The following ANKS1A variants were observed in gnomAD, a reference collection of about 807,000 sequenced individuals.
ANKS1A encodes ankyrin repeat and sterile alpha motif domain containing 1A.
ANKS1A carries 55 observed loss-of-function variants against 120.3 expected under a neutral mutation model. The observed-to-expected ratio is 0.46, with a 90% confidence interval of 0.37 to 0.57. ANKS1A has a LOEUF of 0.57. ANKS1A is among the 20% of genes least tolerant of loss of function. ANKS1A has a pLI of 0.00. For synonymous variants in ANKS1A, 590 were observed against 604.7 expected (o/e 0.98, Z 0.36); for missense variants, 1,123 against 1,480.3 (o/e 0.76, Z 3.96).
chr6:34,960,567 T>C (rs1250404094), intron 1 of ANKS1A, among the ~76,000 whole-genome samples: 1 of 152,160 alleles, frequency 6.6e-6, no homozygotes, highest in African/African-American at 2.4e-5. Context: ...GTGCCCGGCA[T>C]GTCTACACAT....
chr6:34,978,845 C>T, intron 3 of ANKS1A, among the ~76,000 whole-genome samples: 1 of 151,440 alleles, frequency 6.6e-6, no homozygotes, highest in South Asian at 2.1e-4. Context: ...AGACCTTACC[C>T]TCTGAGGTGC....
chr6:34,991,641 TACAC>T (rs1328385855), intron 9 of ANKS1A, among the ~76,000 whole-genome samples: 1 of 142,844 alleles, frequency 7.0e-6, no homozygotes, highest in African/African-American at 2.5e-5. Flanking sequence ...TATACATATA[TACAC>T]ACACATATAT....
intron 11 of ANKS1A, among the ~76,000 whole-genome samples, chr6:35,036,079 C>T (rs1232661844): frequency 1.3e-5 from 2 of 152,182 alleles, no homozygotes; most frequent in Non-Finnish European, 2.9e-5. Flanking sequence ...CAGGGGAGTA[C>T]CAATTATGAA....
chr6:34,959,473 C>T (rs1251628779), intron 1 of ANKS1A, among the ~76,000 whole-genome samples: 1 of 152,064 alleles, frequency 6.6e-6, no homozygotes, highest in Non-Finnish European at 1.5e-5. Flanking sequence ...GAGGGATTTC[C>T]CTAAAGGACT....
chr6:35,073,486 G>A (rs1337648756), intron 13 of ANKS1A, among the ~76,000 whole-genome samples: 1 of 152,240 alleles, frequency 6.6e-6, no homozygotes, highest in Non-Finnish European at 1.5e-5. Flanking sequence ...CCCAGGCGAA[G>A]ATCAGTGCTC....
At chr6:34,981,239 CT>C (rs1771889220) in intron 3 of ANKS1A, among the ~76,000 whole-genome samples, 1 of 152,196 alleles carries the variant, frequency 6.6e-6, no homozygotes, top group South Asian at 2.1e-4. Context: ...TATTAAAAAG[CT>C]TATGTGTAAG....
intron 1 of ANKS1A, among the ~76,000 whole-genome samples, chr6:34,963,197 A>G (rs1770736219): frequency 6.6e-6 from 1 of 152,170 alleles, no homozygotes; most frequent in South Asian, 2.1e-4. Flanking sequence ...GTTATTAAGT[A>G]TAATTGCCTT....
intron 1 of ANKS1A, among the ~76,000 whole-genome samples, chr6:34,965,611 A>G (rs1258691620): frequency 6.6e-6 from 1 of 152,180 alleles, no homozygotes; most frequent in Non-Finnish European, 1.5e-5. Context: ...TTGGCCTCCC[A>G]AAATGCTGGG....
chr6:34,970,109 C>T lies in ANKS1A; in HGVS notation c.378C>T (p.Ala126=). Residue 126 remains alanine (A), a synonymous_variant, in exon 3 of 24, where the codon GCC becomes GCT. Coordinates refer to ENST00000360359, the MANE Select transcript of ANKS1A (RefSeq NM_015245.3). ...PLHLAAWKGD[A]QIVRLLIHQG... is the part of the protein sequence containing the mutation. The stretch of plus-strand genomic sequence containing the variant: ...ATTTGGCAGCCTGGAAAGGAGATGC[C>T]CAGATAGTGCGGTTGCTCATCCATC... The T allele has an allele frequency of 6.2e-7, 1 of 1,614,018 alleles. No individual in the cohort carries two copies.
At chr6:34,974,455 G>A (rs908803469) in intron 3 of ANKS1A, among the ~76,000 whole-genome samples, 8 of 144,220 alleles carry the variant, frequency 5.5e-5, no homozygotes, top group Non-Finnish European at 1.2e-4. Flanking sequence ...TTTAAAAAGG[G>A]TCTCCCTCTG....
chr6:35,021,783 C>G (rs1442768968), intron 11 of ANKS1A, among the ~76,000 whole-genome samples: 3 of 151,936 alleles, frequency 2.0e-5, no homozygotes, highest in Non-Finnish European at 4.4e-5. Flanking sequence ...GTCAGGAGTT[C>G]GAGACCAGCC....
chr6:35,082,540 A>T lies in ANKS1A; in HGVS notation c.2710-151A>T. The T allele has an allele frequency of 1.0e-6, 1 of 991,078 alleles. No homozygotes were observed. Among genetic ancestry groups the T allele is most frequent in the Non-Finnish European group, 1.4e-6 (1 of 710,734 alleles). 61.4% of individuals were successfully genotyped at this position (991,078 alleles called of 1,614,324 possible). A position where few individuals can be genotyped will look rare whatever the true frequency, so the allele number is the denominator to read the frequency against. Reference sequence around the variant, plus strand: ...CCTCCCCTCTCCCGCAGTGTGTTTGAATTGCTGGTCTGCCCCCTGCCATCT... The same window carrying T: ...CCTCCCCTCTCCCGCAGTGTGTTTGTATTGCTGGTCTGCCCCCTGCCATCT... On this transcript the variant is annotated intron_variant, in intron 17 of 23. Coordinates refer to ENST00000360359, the MANE Select transcript of ANKS1A (RefSeq NM_015245.3). The surrounding 1 kb of genome is among the most constrained non-coding windows in gnomAD (Gnocchi z 4.1).
intron 1 of ANKS1A, among the ~76,000 whole-genome samples, chr6:34,944,553 A>C (rs1277586217): frequency 6.6e-6 from 1 of 151,986 alleles, no homozygotes; most frequent in Non-Finnish European, 1.5e-5. Context: ...TTGTTTTCTT[A>C]TTGTTGAATT....
Position 35,041,429 on chromosome 6 carries a change from C to T in ANKS1A, c.2011-12670C>T, listed in dbSNP as rs9380486. ...AGGTCTCACAAAGTGTAGAGGATTG[C>T]ATGACCATCTTTTCTGCCTTTCCTC... On this transcript the variant is annotated intron_variant, in intron 11 of 23. Coordinates refer to ENST00000360359, the MANE Select transcript of ANKS1A (RefSeq NM_015245.3). Among the ~76,000 whole-genome samples the T allele has an allele frequency of 5.6e-4, 85 of 152,330 alleles. 1 individual carries two copies. The East Asian group carries it at 0.013, about 23-fold the overall frequency.
chr6:35,004,306 C>T (rs1407664963), intron 10 of ANKS1A, among the ~76,000 whole-genome samples: 1 of 152,188 alleles, frequency 6.6e-6, no homozygotes, highest in South Asian at 2.1e-4. Context: ...GGTCCCGCTA[C>T]AGTGAGATGG....
chr6:35,055,720 A>G (rs1053028168), intron 12 of ANKS1A, among the ~76,000 whole-genome samples: 1 of 152,196 alleles, frequency 6.6e-6, no homozygotes, highest in African/African-American at 2.4e-5. Context: ...CTCCCTCCAC[A>G]GTTTTCAGTC....
intron 13 of ANKS1A, among the ~76,000 whole-genome samples, chr6:35,076,383 G>C (rs2127603390): frequency 6.6e-6 from 1 of 152,264 alleles, no homozygotes; most frequent in Non-Finnish European, 1.5e-5. Context: ...CTGCACTCCA[G>C]CCTGAGCGAC....
chr6:35,096,360 T>G (rs1400979623), downstream of ANKS1A, among the ~76,000 whole-genome samples: 1 of 152,212 alleles, frequency 6.6e-6, no homozygotes, highest in Non-Finnish European at 1.5e-5. Context: ...CAAGGGCCCT[T>G]CTGGTTTGAG....
rs552147411 is a variant in ANKS1A, at chr6:34,972,456, C to T, written c.435+2290C>T. 1.3e-4 allele frequency: 28 copies of T among 222,234 alleles called. No individual in the cohort carries two copies. In the South Asian group the frequency reaches 4.4e-3, roughly 35 times the overall value. The allele number at this position is 222,234 out of a possible 1,614,324, so 13.8% of individuals were successfully genotyped here. On this transcript the variant is annotated intron_variant, in intron 3 of 23. Coordinates refer to ENST00000360359, the MANE Select transcript of ANKS1A (RefSeq NM_015245.3). ...TGGAGGTTGTCTTTCTTATTAACTT[C>T]CCTTTGAGGCATCCAGAGGGCAGAT...
Sources: allele counts gnomAD v4.1 joint callset (sites outside exome capture counted in the v4.1 genomes callset), GRCh38; gene constraint gnomAD v4.1.1; non-coding constraint Gnocchi (gnomAD v3.1); transcripts MANE v1.5; gene names NCBI Gene and HGNC (gene_info 2026-07-23, HGNC 2026-07-21).